MYH15: variants seen among roughly 807,000 people sequenced by gnomAD.
MYH15 encodes the protein myosin heavy chain 15, also known as myosin-15.
A neutral mutation model predicts 240.5 loss-of-function variants in MYH15; 227 were observed. The ratio of observed to expected loss-of-function variants is 0.94; its 90% CI spans 0.85 to 1.05. MYH15 has a LOEUF of 1.05. MYH15 is among the 50% of genes least tolerant of loss of function. MYH15 has a pLI of 0.00. For missense variants in MYH15, 2,217 were observed against 2,247.5 expected (o/e 0.99, Z 0.27); for synonymous variants, 785 against 796.7 (o/e 0.99, Z 0.25).
intron 1 of MYH15, among the ~76,000 whole-genome samples, chr3:108,522,521 C>T (rs1335300226): frequency 6.6e-6 from 1 of 151,964 alleles, no homozygotes; most frequent in African/African-American, 2.4e-5. Context: ...GATTGAATTC[C>T]ATAGAATCTA....
intron 12 of MYH15, among the ~76,000 whole-genome samples, chr3:108,473,566 A>G (rs1188759417): frequency 6.6e-6 from 1 of 152,164 alleles, no homozygotes; most frequent in Non-Finnish European, 1.5e-5. Flanking sequence ...AAGGGTCACT[A>G]TCTGTAGCTG....
Position 108,426,815 on chromosome 3 carries a change from G to C in MYH15, c.3702+1677C>G, listed in dbSNP as rs374821622. ...TTCAATTCCTGAGAGCTCCTGCCAG[G>C]GGGGGGCAGTGCTACATGGGGCCCT... On this transcript the variant is annotated intron_variant, in intron 27 of 40. Transcript: ENST00000693548. Among the ~76,000 whole-genome samples the C allele has an allele frequency of 1.6e-3, 237 of 152,260 alleles. 1 individual carries two copies. The highest frequency in any genetic ancestry group is 5.5e-3 in the African/African-American group (228 of 41,556).
At chr3:108,393,516 T>C (rs1191827711) in intron 36 of MYH15, among the ~76,000 whole-genome samples, 3 of 152,106 alleles carry the variant, frequency 2.0e-5, no homozygotes, top group East Asian at 1.9e-4. Context: ...TTTAGGAAAA[T>C]CACTGCCATC....
chr3:108,387,017 A>G (rs914753878), intron 38 of MYH15, among the ~76,000 whole-genome samples: 2 of 152,124 alleles, frequency 1.3e-5, no homozygotes, highest in African/African-American at 4.8e-5. Flanking sequence ...AAATAGGACA[A>G]GTTTCCAAAT....
At chr3:108,506,577 G>A (rs556566348) in intron 1 of MYH15, among the ~76,000 whole-genome samples, 1 of 152,216 alleles carries the variant, frequency 6.6e-6, no homozygotes, top group South Asian at 2.1e-4. Context: ...AGACAGTGAT[G>A]ATGAATAAAA....
intron 25 of MYH15, among the ~76,000 whole-genome samples, chr3:108,435,837 T>TACAC (rs34885657): frequency 0.078 from 11,443 of 147,268 alleles, 1,135 homozygotes; most frequent in East Asian, 0.52. Flanking sequence ...TGTATATGTA[T>TACAC]ACACACACAC....
chr3:108,381,308 ATC>A lies in MYH15; in HGVS notation c.*235_*236del. On this transcript the variant is annotated 3_prime_UTR_variant, in exon 41 of 41. Coordinates refer to ENST00000693548, the MANE Select transcript of MYH15 (RefSeq NM_014981.3). ...TTGAAAAGGTTCTTCCATTTATTTA[ATC>A]TGTCATGTGAAGCATTAGAAGGTAG... 1 of 572,082 alleles carries A rather than the reference ATC, an allele frequency of 1.7e-6. No individual in the cohort carries two copies. The highest frequency in any genetic ancestry group is 3.1e-6 in the Non-Finnish European group (1 of 320,554). The allele number at this position is 572,082 out of a possible 1,614,324, so 35.4% of individuals were successfully genotyped here.
intron 9 of MYH15, among the ~76,000 whole-genome samples, chr3:108,487,540 A>G (rs2083315965): frequency 6.6e-6 from 1 of 152,210 alleles, no homozygotes; most frequent in South Asian, 2.1e-4. Context: ...TATACACTCT[A>G]TGATTTTGTC....
At chr3:108,512,296 T>C (rs1343364911), upstream of MYH15, among the ~76,000 whole-genome samples, 1 of 152,064 alleles carries the variant, frequency 6.6e-6, no homozygotes, top group Non-Finnish European at 1.5e-5. Context: ...TAGAAATAGA[T>C]GGTAGGAAAC....
intron 27 of MYH15, among the ~76,000 whole-genome samples, chr3:108,423,963 T>A (rs1348107609): frequency 1.3e-5 from 2 of 152,200 alleles, no homozygotes; most frequent in African/African-American, 4.8e-5. Flanking sequence ...TGAAAACCAT[T>A]TTTATTTTAT....
At chr3:108,414,148 C>T in intron 30 of MYH15, 84 bp downstream of exon 30, 1 of 1,418,424 alleles carries the variant, frequency 7.1e-7, no homozygotes, top group Non-Finnish European at 9.7e-7. Context: ...AAGTGCATAC[C>T]ATGAGGCCTT....
intron 9 of MYH15, among the ~76,000 whole-genome samples, chr3:108,490,436 C>T (rs1054390547): frequency 3.3e-5 from 5 of 152,344 alleles, no homozygotes; most frequent in Non-Finnish European, 7.3e-5. Flanking sequence ...CAAAGGCTTA[C>T]CTCAAATGCA....
At position 108,405,348 on chromosome 3, in the gene MYH15, CTA is replaced by C; in HGVS notation, c.4724_4725del (p.Ile1575ArgfsTer4). 2 of 1,493,542 alleles carry C rather than the reference CTA, an allele frequency of 1.3e-6. No individual in the cohort carries two copies. Among genetic ancestry groups the C allele is most frequent in the East Asian group, 4.6e-5 (2 of 43,044 alleles). 92.5% of individuals were successfully genotyped at this position (1,493,542 alleles called of 1,614,324 possible). A position where few individuals can be genotyped will look rare whatever the true frequency, so the allele number is the denominator to read the frequency against. On this transcript the variant is annotated frameshift_variant, in exon 33 of 41. Transcript: ENST00000693548. LOFTEE classifies it high-confidence loss of function. ...AATCATCTTAAATACCTAAAATTTTCTATTTCTTCATCTTTCTCTGAAAGCTT... is the reference window on the plus strand; with the variant it reads ...AATCATCTTAAATACCTAAAATTTTCTTTCTTCATCTTTCTCTGAAAGCTT... ...ERKLSEKDEE[I>X]ENFRRKQQCT...
intron 1 of MYH15, among the ~76,000 whole-genome samples, chr3:108,506,461 T>G (rs1054914817): frequency 6.6e-6 from 1 of 152,152 alleles, no homozygotes; most frequent in African/African-American, 2.4e-5. Flanking sequence ...CTAAGCAAAG[T>G]AGCCCTCCAT....
At chr3:108,528,496 T>C (rs1353669719) in intron 1 of MYH15, among the ~76,000 whole-genome samples, 1 of 152,206 alleles carries the variant, frequency 6.6e-6, no homozygotes, top group African/African-American at 2.4e-5. Flanking sequence ...CACTCTGCCA[T>C]GGGTTTTAAA....
chr3:108,541,706 TATA>T, the MYH15 span, among the ~76,000 whole-genome samples: 3 of 152,134 alleles, frequency 2.0e-5, no homozygotes, highest in East Asian at 1.9e-4. Context: ...ATGACATCTG[TATA>T]ATAACTGCAA....
intron 27 of MYH15, among the ~76,000 whole-genome samples, chr3:108,426,385 A>C (rs778115602): frequency 6.6e-6 from 1 of 152,032 alleles, no homozygotes; most frequent in African/African-American, 2.4e-5. Flanking sequence ...CTTGATGGAA[A>C]CGTGATTTCA....
intron 1 of MYH15, among the ~76,000 whole-genome samples, chr3:108,524,458 CTA>C (rs574536377): frequency 1.6e-3 from 245 of 151,912 alleles, no homozygotes; most frequent in Non-Finnish European, 1.7e-3. Flanking sequence ...TGTGCTAATC[CTA>C]TGTCTTTTAT....
rs2082464343 is a variant in MYH15 at position 108,396,727 on chromosome 3, TTATCTATAACC to T, written c.5133+1899_5133+1909del. Among the ~76,000 whole-genome samples the T allele has an allele frequency of 4.6e-5, 7 of 152,354 alleles. No homozygotes were observed. The South Asian group carries it at 1.4e-3, about 32-fold the overall frequency. ...AATGTTTGAGTTAGCCTGTTGGGAA[TTATCTATAACC>T]TACAGACTATTTGTTCTATACCACA... On this transcript the variant is annotated intron_variant, in intron 35 of 40. Transcript: ENST00000693548.
Sources: allele counts gnomAD v4.1 joint callset (sites outside exome capture counted in the v4.1 genomes callset), GRCh38; gene constraint gnomAD v4.1.1; transcripts MANE v1.5; gene names NCBI Gene and HGNC (gene_info 2026-07-23, HGNC 2026-07-21).